The following TLCD4 variants were observed in gnomAD, a reference collection of about 807,000 sequenced individuals.
TLCD4 encodes TLC domain containing 4, also known as TLC domain-containing protein 4.
In TLCD4, 7 loss-of-function variants were observed where a neutral mutation model predicts 24.2. That is an observed-to-expected ratio of 0.29 (90% confidence interval 0.16 to 0.54). The LOEUF is 0.54. Ranked by LOEUF, TLCD4 falls within the 20% of genes least tolerant of loss-of-function variation. TLCD4 has a pLI of 0.95. For missense variants in TLCD4, 259 were observed against 313.9 expected, an observed-to-expected ratio of 0.82 and a Z score of 1.32; for synonymous variants, 103 against 106.4, an observed-to-expected ratio of 0.97 and a Z score of 0.20.
At chr1:95,111,242 T>C in the TLCD4 span, among the ~76,000 whole-genome samples, 1 of 151,362 alleles carries the variant, frequency 6.6e-6, no homozygotes, top group Non-Finnish European at 1.5e-5. Context: ...TACGGTGAGC[T>C]ATGCTCATAC....
At chr1:95,165,285 T>C (rs1677976404) in intron 5 of TLCD4, 1 of 152,214 alleles carries the variant, frequency 6.6e-6, no homozygotes, top group Non-Finnish European at 1.5e-5. Flanking sequence ...TCATTATCTC[T>C]ACTGGTGGCA....
intron 1 of TLCD4, among the ~76,000 whole-genome samples, chr1:95,125,198 G>A (rs1255526534): frequency 6.6e-6 from 1 of 152,112 alleles, no homozygotes; most frequent in Non-Finnish European, 1.5e-5. Context: ...GCCAAGCTTA[G>A]GTTTTTTTTA....
chr1:95,120,557 G>A (rs1221563906), intron 1 of TLCD4, among the ~76,000 whole-genome samples: 1 of 152,170 alleles, frequency 6.6e-6, no homozygotes, highest in African/African-American at 2.4e-5. Flanking sequence ...CTTCTGAACT[G>A]GTGTAAAAGG....
chr1:95,122,026 G>A (rs1676584323), intron 1 of TLCD4, among the ~76,000 whole-genome samples: 1 of 152,144 alleles, frequency 6.6e-6, no homozygotes. Context: ...TCAACATCTG[G>A]TTACAACACC....
In TLCD4 at chr1:95,171,244, G is replaced by A. The variant is rs536472700; in HGVS notation, c.400-2572G>A. 6.6e-5 allele frequency among the ~76,000 whole-genome samples: 10 copies of A among 152,154 alleles called. No individual in the cohort carries two copies. In the South Asian group the frequency reaches 1.2e-3, roughly 19 times the overall value. On this transcript the variant is annotated intron_variant, in intron 5 of 6. Transcript: ENST00000370203. ...TGGGATTACTTTTGTGAGCCACCATGCCCAGCCTAAATGCATTTATAATAA... is the reference window on the plus strand; with the variant it reads ...TGGGATTACTTTTGTGAGCCACCATACCCAGCCTAAATGCATTTATAATAA...
At chr1:95,128,729 A>C (rs1472003751) in intron 1 of TLCD4, among the ~76,000 whole-genome samples, 1 of 152,226 alleles carries the variant, frequency 6.6e-6, no homozygotes, top group Non-Finnish European at 1.5e-5. Context: ...AGTAGAGAAG[A>C]CTTTGTAGTC....
the TLCD4 span, among the ~76,000 whole-genome samples, chr1:95,099,349 G>T: frequency 3.9e-5 from 6 of 152,120 alleles, no homozygotes; most frequent in African/African-American, 1.2e-4. Context: ...ACCACATTGT[G>T]CTTCCTTAGT....
intron 5 of TLCD4, among the ~76,000 whole-genome samples, chr1:95,154,887 G>A (rs1355554847): frequency 6.7e-6 from 1 of 148,330 alleles, no homozygotes; most frequent in Non-Finnish European, 1.5e-5. Context: ...GAGACTCTGG[G>A]TCAGTCTATT....
At chr1:95,106,360 TC>T in the TLCD4 span, among the ~76,000 whole-genome samples, 1 of 152,166 alleles carries the variant, frequency 6.6e-6, no homozygotes, top group Admixed American at 6.5e-5. Context: ...TGAAAATAAA[TC>T]CCCTTAAAAT....
chr1:95,092,605 C>T, the TLCD4 span, among the ~76,000 whole-genome samples: 251 of 152,220 alleles, frequency 1.6e-3, no homozygotes, highest in African/African-American at 5.9e-3. Flanking sequence ...TAACACTCAC[C>T]GCGAAGGTCT....
At chr1:95,106,378 T>C in the TLCD4 span, among the ~76,000 whole-genome samples, 1 of 152,170 alleles carries the variant, frequency 6.6e-6, no homozygotes, top group African/African-American at 2.4e-5. Flanking sequence ...AAATATCCTT[T>C]CCCCTAAAAC....
chr1:95,178,589 G>A (rs1678524051), intron 6 of TLCD4, among the ~76,000 whole-genome samples: 1 of 44,036 alleles, frequency 2.3e-5, no homozygotes, highest in Non-Finnish European at 3.5e-5. Context: ...TTTTTTTTGA[G>A]ACAGTCTCAC....
intron 6 of TLCD4, among the ~76,000 whole-genome samples, chr1:95,190,096 C>T (rs1267771274): frequency 1.5e-5 from 2 of 135,172 alleles, no homozygotes; most frequent in Admixed American, 7.2e-5. Flanking sequence ...TTTGCACTTT[C>T]TTTTTTTTTT....
chr1:95,187,246 T>C (rs1388507496), intron 6 of TLCD4, among the ~76,000 whole-genome samples: 1 of 152,228 alleles, frequency 6.6e-6, no homozygotes, highest in Non-Finnish European at 1.5e-5. Context: ...TGTTAACAAT[T>C]AGCGAGCCAG....
At chr1:95,107,497 G>A in the TLCD4 span, among the ~76,000 whole-genome samples, 1 of 152,076 alleles carries the variant, frequency 6.6e-6, no homozygotes, top group Non-Finnish European at 1.5e-5. Context: ...TCTGTGAAGT[G>A]GTTGGTTTAT....
intron 5 of TLCD4, among the ~76,000 whole-genome samples, chr1:95,173,481 C>T (rs1217062264): frequency 6.6e-6 from 1 of 152,152 alleles, no homozygotes; most frequent in Non-Finnish European, 1.5e-5. Flanking sequence ...TTCTTTTCTA[C>T]AGTAATTTGA....
At chr1:95,099,619 T>C in the TLCD4 span, among the ~76,000 whole-genome samples, 2 of 152,194 alleles carry the variant, frequency 1.3e-5, no homozygotes, top group African/African-American at 4.8e-5. Context: ...GATTAATTGA[T>C]TGCATATATA....
chr1:95,139,257 A>G (rs1677132891), intron 1 of TLCD4, among the ~76,000 whole-genome samples: 1 of 151,544 alleles, frequency 6.6e-6, no homozygotes, highest in African/African-American at 2.4e-5. Context: ...TTGCAGGACT[A>G]GAAGTTGCTC....
At chr1:95,108,858 A>G in the TLCD4 span, among the ~76,000 whole-genome samples, 1 of 152,114 alleles carries the variant, frequency 6.6e-6, no homozygotes, top group Admixed American at 6.6e-5. Context: ...CAAAGTATTA[A>G]TTATTGAGAT....
Sources: allele counts gnomAD v4.1 joint callset (sites outside exome capture counted in the v4.1 genomes callset), GRCh38; gene constraint gnomAD v4.1.1; transcripts MANE v1.5; gene names NCBI Gene and HGNC (gene_info 2026-07-23, HGNC 2026-07-21).